TECTB: variants seen among roughly 807,000 people sequenced by gnomAD.
The protein encoded by TECTB is tectorin beta, also known as beta-tectorin.
TECTB carries 45 observed loss-of-function variants against 43.3 expected under a neutral mutation model. The ratio of observed to expected loss-of-function variants is 1.04; its 90% CI spans 0.82 to 1.33. TECTB has a LOEUF of 1.33. Ranked by LOEUF, TECTB falls within the 40% of genes most tolerant of loss-of-function variation. The pLI, the probability that TECTB is intolerant of heterozygous loss-of-function variation, is 0.00. For missense variants in TECTB, 399 were observed against 404.7 expected, an observed-to-expected ratio of 0.99 and a Z score of 0.12; for synonymous variants, 169 against 156.7, an observed-to-expected ratio of 1.08 and a Z score of -0.59.
At chr10:112,290,229 G>A (rs1474493724) in intron 5 of TECTB, among the ~76,000 whole-genome samples, 2 of 152,098 alleles carry the variant, frequency 1.3e-5, no homozygotes, top group African/African-American at 4.8e-5. Flanking sequence ...TCACTCAGTA[G>A]CCATCCATGT....
Position 112,298,197 on chromosome 10 carries a change from T to A in TECTB, c.800T>A (p.Phe267Tyr), listed in dbSNP as rs1351857624. 6.2e-7 allele frequency: 1 copy of A among 1,614,086 alleles called. No individual in the cohort carries two copies. Among genetic ancestry groups the A allele is most frequent in the African/African-American group, 1.3e-5 (1 of 74,944 alleles). ...AAGGTGTGGTTACACTGTGAGACGT[T>A]CATCTGCGACAGTGAGAAACTCTCC... ...LSKVWLHCETFICDSEKLSCP... is the reference protein window; with the variant it reads ...LSKVWLHCETYICDSEKLSCP... The change falls in exon 8 of 11, where the codon TTC (phenylalanine) becomes TAC (tyrosine). Residue 267 changes from phenylalanine (F) to tyrosine (Y), a missense_variant. Coordinates refer to ENST00000646139, the MANE Select transcript of TECTB (RefSeq NM_058222.3).
At chr10:112,290,089 T>C (rs1314848819) in intron 5 of TECTB, among the ~76,000 whole-genome samples, 1 of 152,172 alleles carries the variant, frequency 6.6e-6, no homozygotes. Context: ...TAAACAATTC[T>C]TAAGTTTTAA....
intron 3 of TECTB, among the ~76,000 whole-genome samples, chr10:112,285,774 C>CA (rs1848448838): frequency 6.6e-6 from 1 of 152,180 alleles, no homozygotes; most frequent in South Asian, 2.1e-4. Context: ...CTTTGGGAAA[C>CA]AGAGATTCTT....
chr10:112,284,483 G>C, intron 2 of TECTB, 52 bp from the exon 3 acceptor site: 1 of 1,491,014 alleles, frequency 6.7e-7, no homozygotes, highest in Non-Finnish European at 9.0e-7. Flanking sequence ...TCGTTACGTA[G>C]GTTAGCATGA....
intron 7 of TECTB, 88 bp from the exon 8 acceptor site, chr10:112,297,981 C>T: frequency 2.5e-6 from 4 of 1,581,184 alleles, no homozygotes; most frequent in Non-Finnish European, 2.6e-6. Flanking sequence ...ATATAACCAC[C>T]TCGGGAGCCT....
chr10:112,286,514 T>C, intron 5 of TECTB, 123 bp downstream of exon 5: 1 of 1,077,652 alleles, frequency 9.3e-7, no homozygotes, highest in South Asian at 1.7e-5. Context: ...TAAATTCAAG[T>C]TGAAACATGA....
At chr10:112,291,793 G>A (rs760197384) in intron 5 of TECTB, among the ~76,000 whole-genome samples, 9 of 152,104 alleles carry the variant, frequency 5.9e-5, no homozygotes, top group African/African-American at 1.4e-4. Flanking sequence ...GTGGAAGCTC[G>A]GGTTAGCCCA....
chr10:112,289,825 T>TCTA (rs1175653493), intron 5 of TECTB, among the ~76,000 whole-genome samples: 1 of 152,204 alleles, frequency 6.6e-6, no homozygotes, highest in Admixed American at 6.5e-5. Flanking sequence ...TCTGGAAGAC[T>TCTA]CTAGGAATGT....
chr10:112,297,135 G>A (rs1414409228), intron 7 of TECTB, among the ~76,000 whole-genome samples: 2 of 152,100 alleles, frequency 1.3e-5, no homozygotes, highest in African/African-American at 4.8e-5. Flanking sequence ...TCTCAATGTT[G>A]GCACCTTGAC....
chr10:112,301,787 T>C (rs1279955569), intron 9 of TECTB, among the ~76,000 whole-genome samples: 3 of 152,082 alleles, frequency 2.0e-5, no homozygotes, highest in Non-Finnish European at 4.4e-5. Context: ...CAGGTTGGAG[T>C]GCAATGACGT....
Position 112,303,453 on chromosome 10 carries a change from C to T in TECTB, c.*141C>T. 1.0e-6 allele frequency: 1 copy of T among 993,864 alleles called. No homozygotes were observed. Among genetic ancestry groups the T allele is most frequent in the Non-Finnish European group, 1.5e-6 (1 of 655,986 alleles). The allele number at this position is 993,864 out of a possible 1,614,324, so 61.6% of individuals were successfully genotyped here. On this transcript the variant is annotated 3_prime_UTR_variant, in exon 11 of 11. Transcript: ENST00000646139. ...AATAGCACTTTGCCAAATATGCACT[C>T]CAATAATTTCTGTGAATTTGGTGAT...
chr10:112,302,624 G>A, intron 10 of TECTB: 1 of 296,562 alleles, frequency 3.4e-6, no homozygotes, highest in Non-Finnish European at 6.1e-6. Context: ...ACAGCTAAGG[G>A]CACTGAACAA....
intron 1 of TECTB, 55 bp from the exon 2 acceptor site, chr10:112,283,593 T>G (rs984867922): frequency 2.9e-6 from 2 of 701,384 alleles, no homozygotes; most frequent in Non-Finnish European, 4.7e-6. Flanking sequence ...CAAGACTGTA[T>G]GTGCGGCTTT....
At chr10:112,293,897 C>T in intron 6 of TECTB, 56 bp downstream of exon 6, 3 of 1,603,872 alleles carry the variant, frequency 1.9e-6, no homozygotes, top group South Asian at 2.2e-5. Flanking sequence ...AAAAGACTAG[C>T]TGACATACTT....
At chr10:112,285,579 A>T (rs547326404) in intron 3 of TECTB, among the ~76,000 whole-genome samples, 1 of 152,292 alleles carries the variant, frequency 6.6e-6, no homozygotes, top group South Asian at 2.1e-4. Context: ...GATGTTCAAG[A>T]TCCCCTCCAG....
In TECTB at chr10:112,304,947, G is replaced by C. The variant is rs1848640567; in HGVS notation, c.*1635G>C. On this transcript the variant is annotated 3_prime_UTR_variant, in exon 11 of 11. Coordinates refer to ENST00000646139, the MANE Select transcript of TECTB (RefSeq NM_058222.3). ...TTTGCTGTCAGAATAAACCAATGTTGTATTAGTTTTGCTGTATTTCATCAT... is the reference window on the plus strand; with the variant it reads ...TTTGCTGTCAGAATAAACCAATGTTCTATTAGTTTTGCTGTATTTCATCAT... 6.6e-6 allele frequency: 1 copy of C among 152,104 alleles called. No homozygotes were observed. The highest frequency in any genetic ancestry group is 2.1e-4 in the South Asian group (1 of 4,834). The allele number at this position is 152,104 out of a possible 1,614,324, so 9.4% of individuals were successfully genotyped here.
rs542522931 is a variant in TECTB, at chr10:112,298,269, A to G, written c.834+38A>G. 9 of 1,590,618 alleles carry G rather than the reference A, an allele frequency of 5.7e-6. No individual in the cohort carries two copies. The African/African-American group carries it at 8.0e-5, about 14-fold the overall frequency. ...TCTCCAGAAGGACAATGTTACCTAA[A>G]GGGTGCCAGTATTGGAGGAGCTGGA... On this transcript the variant is annotated intron_variant, in intron 8 of 10. Transcript: ENST00000646139.
At position 112,303,328 on chromosome 10, in the gene TECTB, C is replaced by G. The variant is rs574809130; in HGVS notation, c.*16C>G. Reference sequence around the variant, plus strand: ...CGTGTTATAGGAGTTAGCCAGGCAGCTGCCGCTCCTCCACCCACAATAGTC... The same window carrying G: ...CGTGTTATAGGAGTTAGCCAGGCAGGTGCCGCTCCTCCACCCACAATAGTC... On this transcript the variant is annotated 3_prime_UTR_variant, in exon 11 of 11. Transcript: ENST00000646139. The G allele has an allele frequency of 1.2e-5, 19 of 1,614,160 alleles. No individual in the cohort carries two copies. The South Asian group carries it at 1.6e-4, about 14-fold the overall frequency.
chr10:112,301,407 C>CAAAAA (rs748878707), intron 9 of TECTB, among the ~76,000 whole-genome samples: 1 of 132,906 alleles, frequency 7.5e-6, no homozygotes. Flanking sequence ...AACTCTGTCT[C>CAAAAA]AAAAAAAAAA....
Sources: allele counts gnomAD v4.1 joint callset (sites outside exome capture counted in the v4.1 genomes callset), GRCh38; gene constraint gnomAD v4.1.1; transcripts MANE v1.5; gene names NCBI Gene and HGNC (gene_info 2026-07-23, HGNC 2026-07-21).